Variants in KCNIP4 observed in about 807,000 individuals in gnomAD.
The protein encoded by KCNIP4 is Kv channel-interacting protein 4.
In KCNIP4, 12 loss-of-function variants were observed where a neutral mutation model predicts 34.0. The observed-to-expected ratio is 0.35, with a 90% CI of 0.23 to 0.57. KCNIP4 has a LOEUF of 0.57. KCNIP4 is among the 20% of genes least tolerant of loss of function. The pLI is 0.83. For synonymous variants in KCNIP4, 124 were observed against 102.2 expected (o/e 1.21, Z -1.29); for missense variants, 238 against 311.7 (o/e 0.76, Z 1.78).
rs1177061690 is a variant in KCNIP4 at position 20,853,984 on chromosome 4, C to CA, written c.164-3318dup. Reference sequence around the variant, plus strand: ...CCAACAATGGCCATAATCAAAAAATCAAAAAACAGATGTTGGTGTGGATGC... The same window carrying CA: ...CCAACAATGGCCATAATCAAAAAATCAAAAAAACAGATGTTGGTGTGGATGC... On this transcript the variant is annotated intron_variant, in intron 2 of 8. Transcript: ENST00000382152. Among the ~76,000 whole-genome samples the CA allele has an allele frequency of 2.0e-5, 3 of 152,034 alleles. No homozygotes were observed. In the East Asian group the frequency reaches 5.8e-4, roughly 29 times the overall value.
At chr4:21,925,122 T>C (rs1332838529) in intron 1 of KCNIP4, among the ~76,000 whole-genome samples, 2 of 152,128 alleles carry the variant, frequency 1.3e-5, no homozygotes, top group Admixed American at 6.6e-5. Context: ...TTAGGGTACA[T>C]GTGTACAACG....
intron 1 of KCNIP4, among the ~76,000 whole-genome samples, chr4:20,974,594 AGT>A (rs1735298605): frequency 6.6e-6 from 1 of 152,162 alleles, no homozygotes; most frequent in Non-Finnish European, 1.5e-5. Flanking sequence ...CAGTGCTAAA[AGT>A]GTTGCTCAGA....
At chr4:20,940,948 G>C (rs1731578737) in intron 1 of KCNIP4, among the ~76,000 whole-genome samples, 1 of 152,172 alleles carries the variant, frequency 6.6e-6, no homozygotes, top group Non-Finnish European at 1.5e-5. Context: ...TAATGCCTGA[G>C]TGACAATGAG....
At chr4:21,258,095 A>G (rs1355193951) in intron 1 of KCNIP4, among the ~76,000 whole-genome samples, 2 of 152,182 alleles carry the variant, frequency 1.3e-5, no homozygotes, top group African/African-American at 4.8e-5. Context: ...TAGCCTTTCC[A>G]AACACTTTCT....
Position 21,247,759 on chromosome 4 carries a change from T to TATATATATATATAC in KCNIP4, c.62-365051_62-365050insGTATATATATATAT, listed in dbSNP as rs1366204923. Among the ~76,000 whole-genome samples the TATATATATATATAC allele has an allele frequency of 4.1e-3, 494 of 119,990 alleles. 21 individuals carry two copies. Among genetic ancestry groups the TATATATATATATAC allele is most frequent in the African/African-American group, 0.016 (446 of 28,028 alleles). 78.7% of individuals were successfully genotyped at this position (119,990 alleles called of 152,430 possible). On this transcript the variant is annotated intron_variant, in intron 1 of 8. Coordinates refer to ENST00000382152, the MANE Select transcript of KCNIP4 (RefSeq NM_025221.6). ...GGATATATATATATATATATATATATACACCCCACAGGTGTTTTTTATATA... is the reference window on the plus strand; with the variant it reads ...GGATATATATATATATATATATATATATATATATATATACACACCCCACAGGTGTTTTTTATATA...
intron 1 of KCNIP4, among the ~76,000 whole-genome samples, chr4:21,171,310 C>T (rs1210363859): frequency 6.6e-6 from 1 of 152,106 alleles, no homozygotes; most frequent in Admixed American, 6.6e-5. Context: ...AGACAAATGT[C>T]AACTTAGATG....
chr4:21,473,167 T>C (rs1166059861), intron 1 of KCNIP4, among the ~76,000 whole-genome samples: 1 of 152,198 alleles, frequency 6.6e-6, no homozygotes, highest in Non-Finnish European at 1.5e-5. Context: ...ACAATTACCC[T>C]ACAATAGGGC....
At chr4:20,848,354 G>A (rs924208683) in intron 3 of KCNIP4, among the ~76,000 whole-genome samples, 1 of 151,030 alleles carries the variant, frequency 6.6e-6, no homozygotes, top group African/African-American at 2.4e-5. Context: ...AGACAGAAGA[G>A]GTGAAAAAAA....
chr4:20,907,181 TGAGGTTTATGATAATGGAAAC>T (rs2149563060), intron 1 of KCNIP4, among the ~76,000 whole-genome samples: 1 of 152,280 alleles, frequency 6.6e-6, no homozygotes, highest in African/African-American at 2.4e-5. Flanking sequence ...ACTTGACCCT[TGAGGTTTATGATAATGGAAAC>T]TGAGCTTTAA....
At chr4:21,757,166 AGAAGGAAGGAAGGAAGGAAGGAAGGAAG>A (rs1560691253) in intron 1 of KCNIP4, among the ~76,000 whole-genome samples, 3 of 46,358 alleles carry the variant, frequency 6.5e-5, no homozygotes, top group African/African-American at 3.7e-4. Flanking sequence ...AAAGAAAGAA[AGAAGGAAGGAAGGAAGGAAGGAAGGAAG>A]GAAGGAAAGA....
rs1342354157 is a variant in KCNIP4, at chr4:20,729,275, T to C, written c.*807A>G. ...GACCCTTTGCATATGTCTGTAAACA[T>C]CCTTGTTTTGTTTGATGCCTTCTTC... is the stretch of plus-strand genomic sequence containing the variant. On this transcript the variant is annotated 3_prime_UTR_variant, in exon 9 of 9. Coordinates refer to ENST00000382152, the MANE Select transcript of KCNIP4 (RefSeq NM_025221.6). The C allele has an allele frequency of 6.6e-6, 1 of 152,014 alleles. No homozygotes were observed. The highest frequency in any genetic ancestry group is 1.5e-5 in the Non-Finnish European group (1 of 68,004). 9.4% of individuals were successfully genotyped at this position (152,014 alleles called of 1,614,324 possible). A position where few individuals can be genotyped will look rare whatever the true frequency, so the allele number is the denominator to read the frequency against.
chr4:20,781,848 T>G (rs1168308472), intron 3 of KCNIP4, among the ~76,000 whole-genome samples: 1 of 152,170 alleles, frequency 6.6e-6, no homozygotes, highest in East Asian at 1.9e-4. Flanking sequence ...AAGTTTTAAT[T>G]CATTTCAGAA....
chr4:21,072,558 T>C (rs1382685482), intron 1 of KCNIP4, among the ~76,000 whole-genome samples: 1 of 152,254 alleles, frequency 6.6e-6, no homozygotes, highest in East Asian at 1.9e-4. Flanking sequence ...CTTTGTCAGA[T>C]GAGTAGATTG....
intron 1 of KCNIP4, among the ~76,000 whole-genome samples, chr4:21,555,571 T>G (rs1232314107): frequency 6.6e-6 from 1 of 152,140 alleles, no homozygotes; most frequent in Admixed American, 6.5e-5. Context: ...AAGCATGATC[T>G]TCCTGGCAAG....
intron 1 of KCNIP4, among the ~76,000 whole-genome samples, chr4:21,026,280 A>G (rs575207856): frequency 6.6e-6 from 1 of 152,262 alleles, no homozygotes; most frequent in South Asian, 2.1e-4. Context: ...AGCTCTGGCC[A>G]TATTCTCTTT....
At chr4:21,464,121 T>C (rs1729711155) in intron 1 of KCNIP4, among the ~76,000 whole-genome samples, 1 of 152,022 alleles carries the variant, frequency 6.6e-6, no homozygotes, top group Non-Finnish European at 1.5e-5. Flanking sequence ...TCAGTCTAGC[T>C]AAAATTTTGT....
chr4:20,834,041 A>G (rs1718749483), intron 3 of KCNIP4, among the ~76,000 whole-genome samples: 1 of 152,212 alleles, frequency 6.6e-6, no homozygotes, highest in African/African-American at 2.4e-5. Context: ...AGGTAGCTCA[A>G]GAGGGAATTT....
chr4:20,742,796 G>GA (rs1751459399), intron 5 of KCNIP4, among the ~76,000 whole-genome samples: 1 of 152,134 alleles, frequency 6.6e-6, no homozygotes, highest in South Asian at 2.1e-4. Flanking sequence ...CGGATGACAT[G>GA]ATTGTATATT....
chr4:21,928,567 C>T (rs1729396256), intron 1 of KCNIP4, among the ~76,000 whole-genome samples: 1 of 152,012 alleles, frequency 6.6e-6, no homozygotes, highest in Non-Finnish European at 1.5e-5. Context: ...GGTAAACAAA[C>T]TAATATTTTA....
Sources: allele counts gnomAD v4.1 joint callset (sites outside exome capture counted in the v4.1 genomes callset), GRCh38; gene constraint gnomAD v4.1.1; transcripts MANE v1.5; gene names NCBI Gene and HGNC (gene_info 2026-07-23, HGNC 2026-07-21).